BICD1: variants seen among roughly 807,000 people sequenced by gnomAD.
The protein encoded by BICD1 is BICD cargo adaptor 1.
Under a neutral mutation model 92.5 loss-of-function variants are expected in BICD1, and 35 were observed. The observed-to-expected ratio is 0.38, with a 90% CI of 0.29 to 0.50. BICD1 has a LOEUF of 0.50. Among genes scored for constraint, BICD1 ranks in the 20% least tolerant of loss-of-function variants. The pLI is 0.93. For synonymous variants in BICD1, 429 were observed against 465.1 expected (o/e 0.92, Z 1.00); for missense variants, 950 against 1,189.8 (o/e 0.80, Z 2.97).
intron 5 of BICD1, among the ~76,000 whole-genome samples, chr12:32,334,117 T>G (rs886875939): frequency 6.6e-6 from 1 of 152,210 alleles, no homozygotes; most frequent in African/African-American, 2.4e-5. Context: ...CCAATTTGAT[T>G]ATTCCTATTG....
intron 3 of BICD1, 67 bp from the exon 4 acceptor site, chr12:32,305,630 G>T (rs1948190676): frequency 6.9e-7 from 1 of 1,448,948 alleles, no homozygotes; most frequent in Non-Finnish European, 9.3e-7. Context: ...CCACTAGAGT[G>T]TTTAATGGCA....
At chr12:32,358,423 AAAAAGCTTTT>A in intron 8 of BICD1, among the ~76,000 whole-genome samples, 1 of 151,492 alleles carries the variant, frequency 6.6e-6, no homozygotes, top group South Asian at 2.1e-4. Flanking sequence ...TCTAGGCACT[AAAAAGCTTTT>A]GTTCATTATA....
At chr12:32,195,308 C>A (rs1944697362) in intron 1 of BICD1, among the ~76,000 whole-genome samples, 1 of 152,154 alleles carries the variant, frequency 6.6e-6, no homozygotes, top group Admixed American at 6.5e-5. Flanking sequence ...GTAACCAAAG[C>A]AATCTTGAGA....
intron 1 of BICD1, among the ~76,000 whole-genome samples, chr12:32,115,663 G>A (rs1342533283): frequency 6.6e-6 from 1 of 152,116 alleles, no homozygotes; most frequent in Non-Finnish European, 1.5e-5. Context: ...AAAAGGTGTA[G>A]GTTTGCATAA....
chr12:32,180,009 T>C (rs1310763904), intron 1 of BICD1, among the ~76,000 whole-genome samples: 1 of 120,082 alleles, frequency 8.3e-6, no homozygotes, highest in Non-Finnish European at 1.8e-5. Flanking sequence ...AAAAAAAAAA[T>C]TGGCATGAGA....
intron 9 of BICD1, 62 bp downstream of exon 9, chr12:32,367,807 C>T: frequency 7.0e-7 from 1 of 1,438,682 alleles, no homozygotes; most frequent in Admixed American, 1.7e-5. Flanking sequence ...ACCCCAGCTC[C>T]CCTTTCCGAC....
intron 4 of BICD1, among the ~76,000 whole-genome samples, chr12:32,307,166 G>A (rs747473571): frequency 2.1e-4 from 32 of 152,088 alleles, no homozygotes; most frequent in Non-Finnish European, 4.1e-4. Flanking sequence ...CAGATTTATG[G>A]TTACATTTCA....
At chr12:32,110,958 G>A (rs1941665403) in intron 1 of BICD1, among the ~76,000 whole-genome samples, 1 of 151,700 alleles carries the variant, frequency 6.6e-6, no homozygotes, top group South Asian at 2.1e-4. Context: ...TGCACGTTGT[G>A]CACATGTACC....
At chr12:32,165,732 T>G (rs571413321) in intron 1 of BICD1, among the ~76,000 whole-genome samples, 1 of 151,956 alleles carries the variant, frequency 6.6e-6, no homozygotes, top group East Asian at 1.9e-4. Context: ...CAAAACTCAT[T>G]TATCAAGAGG....
chr12:32,116,699 A>G (rs1263407473), intron 1 of BICD1, among the ~76,000 whole-genome samples: 1 of 137,726 alleles, frequency 7.3e-6, no homozygotes, highest in Non-Finnish European at 1.6e-5. Context: ...TTTTTTTTTT[A>G]ACCTGATTTT....
rs577839857 is a variant in BICD1 at position 32,305,502 on chromosome 12, A to G, written c.580-195A>G. Among the ~76,000 whole-genome samples, 31 of 151,538 alleles carry G rather than the reference A, an allele frequency of 2.0e-4. 1 individual carries two copies. In the South Asian group the frequency reaches 5.0e-3, roughly 24 times the overall value. ...ATATCACTATAATACCTAATTATATATTTTATATATGGTATATAATTTCTA... is the reference window on the plus strand; with the variant it reads ...ATATCACTATAATACCTAATTATATGTTTTATATATGGTATATAATTTCTA... On this transcript the variant is annotated intron_variant, in intron 3 of 9. Transcript: ENST00000652176.
chr12:32,310,435 GA>G (rs138087652), intron 4 of BICD1, among the ~76,000 whole-genome samples: 15,286 of 152,198 alleles, frequency 0.1, 881 homozygotes, highest in African/African-American at 0.15. Flanking sequence ...CTGTGCAGGA[GA>G]ATGAAATCCC....
At chr12:32,226,217 C>T (rs1239292935) in intron 2 of BICD1, among the ~76,000 whole-genome samples, 2 of 152,172 alleles carry the variant, frequency 1.3e-5, no homozygotes, top group Non-Finnish European at 2.9e-5. Context: ...TCACTGCAGC[C>T]TCCACCTCCT....
intron 2 of BICD1, among the ~76,000 whole-genome samples, chr12:32,252,029 T>TTATAATATATATTTATAATAAATATCA (rs1555156972): frequency 0.025 from 1,768 of 71,850 alleles, 99 homozygotes; most frequent in African/African-American, 0.11. Flanking sequence ...TATCATATAT[T>TTATAATATATATTTATAATAAATATCA]TATAATATAT....
At chr12:32,242,459 G>A (rs1237836313) in intron 2 of BICD1, among the ~76,000 whole-genome samples, 1 of 151,960 alleles carries the variant, frequency 6.6e-6, no homozygotes, top group African/African-American at 2.4e-5. Flanking sequence ...CCCAGGAGGC[G>A]GACGTTGCAG....
At chr12:32,217,156 A>G (rs1945384364) in intron 2 of BICD1, among the ~76,000 whole-genome samples, 1 of 152,208 alleles carries the variant, frequency 6.6e-6, no homozygotes, top group East Asian at 1.9e-4. Flanking sequence ...TCATCCATCA[A>G]ACCCCTGTAA....
intron 1 of BICD1, among the ~76,000 whole-genome samples, chr12:32,168,692 A>T (rs1207428127): frequency 6.6e-6 from 1 of 152,210 alleles, no homozygotes; most frequent in Admixed American, 6.5e-5. Flanking sequence ...CTTGAGGGCC[A>T]GGCACGGTGG....
At chr12:32,290,310 C>T (rs892261718) in intron 2 of BICD1, among the ~76,000 whole-genome samples, 1 of 152,314 alleles carries the variant, frequency 6.6e-6, no homozygotes. Flanking sequence ...TCCTTACAAG[C>T]TAGCCAGTGA....
At chr12:32,130,964 A>G (rs1286774289) in intron 1 of BICD1, among the ~76,000 whole-genome samples, 3 of 151,982 alleles carry the variant, frequency 2.0e-5, no homozygotes, top group Admixed American at 1.3e-4. Context: ...TAGCCTCTCA[A>G]GCTGGGACTA....
Sources: gnomAD v4.1 joint callset for allele counts (sites outside exome capture counted in the v4.1 genomes callset) on GRCh38, gnomAD v4.1.1 for gene constraint, MANE v1.5 for transcripts, NCBI Gene and HGNC (gene_info 2026-07-23, HGNC 2026-07-21) for gene names.